Variants in PCDHA4 observed in about 807,000 individuals in gnomAD.
PCDHA4 encodes the protein protocadherin alpha-4.
Under a neutral mutation model 61.4 loss-of-function variants are expected in PCDHA4, and 49 were observed. That is an observed-to-expected ratio of 0.80 (90% CI 0.63 to 1.01). The LOEUF is 1.01. PCDHA4 is among the 50% of genes least tolerant of loss of function. The pLI, the probability that PCDHA4 is intolerant of heterozygous loss-of-function variation, is 0.00. For synonymous variants in PCDHA4, 590 were observed against 550.3 expected, an observed-to-expected ratio of 1.07 and a Z score of -1.01; for missense variants, 1,254 against 1,235.8, an observed-to-expected ratio of 1.01 and a Z score of -0.22.
At chr5:140,817,691 T>C (rs114557138) in intron 1 of PCDHA4, 1 of 152,354 alleles carries the variant, frequency 6.6e-6, no homozygotes, top group Non-Finnish European at 1.5e-5. Flanking sequence ...AGACACACAG[T>C]ACATTATTAT....
intron 1 of PCDHA4, among the ~76,000 whole-genome samples, chr5:140,903,411 A>G (rs265314): frequency 0.015 from 2,274 of 152,338 alleles, 53 homozygotes; most frequent in African/African-American, 0.052. Flanking sequence ...TGCAGTCAGG[A>G]AAAATTCAGC....
intron 1 of PCDHA4, chr5:140,863,602 T>G: frequency 1.4e-5 from 5 of 354,858 alleles, no homozygotes; most frequent in South Asian, 1.1e-4. Flanking sequence ...TTCATTCCTA[T>G]TAATGTCCCT....
chr5:140,809,940 G>A (rs1257733835), intron 1 of PCDHA4: 2 of 165,572 alleles, frequency 1.2e-5, no homozygotes, highest in Admixed American at 6.0e-5. Flanking sequence ...TTGTATGAAA[G>A]TGAAAAGCTC....
chr5:140,982,689 T>A, intron 3 of PCDHA4, 126 bp downstream of exon 3: 1 of 1,413,688 alleles, frequency 7.1e-7, no homozygotes, highest in Non-Finnish European at 9.3e-7. Context: ...CTTTTTTCCA[T>A]ACATACATGA....
intron 1 of PCDHA4, among the ~76,000 whole-genome samples, chr5:140,920,983 T>C (rs1472212249): frequency 6.6e-6 from 1 of 152,106 alleles, no homozygotes; most frequent in Non-Finnish European, 1.5e-5. Context: ...AATATTGTAT[T>C]TGCTTATTTT....
At chr5:140,883,686 A>T in intron 1 of PCDHA4, 1 of 1,613,782 alleles carries the variant, frequency 6.2e-7, no homozygotes, top group South Asian at 1.1e-5. Context: ...CCGGGCTGCC[A>T]CATCTTCACG....
chr5:140,998,446 T>C (rs1266567801), intron 3 of PCDHA4, among the ~76,000 whole-genome samples: 1 of 152,248 alleles, frequency 6.6e-6, no homozygotes, highest in African/African-American at 2.4e-5. Flanking sequence ...TTATTGTATT[T>C]ATTCATTTAC....
intron 1 of PCDHA4, among the ~76,000 whole-genome samples, chr5:140,965,996 A>G (rs2095956267): frequency 6.6e-6 from 1 of 152,102 alleles, no homozygotes; most frequent in South Asian, 2.1e-4. Context: ...TGCAGTACTT[A>G]AGAGTGTCCA....
chr5:140,849,319 G>A, intron 1 of PCDHA4: 1 of 1,331,850 alleles, frequency 7.5e-7, no homozygotes, highest in Non-Finnish European at 1.0e-6. Flanking sequence ...GGCTTGAATG[G>A]GGATATTATT....
Position 140,855,115 on chromosome 5 carries a change from T to G in PCDHA4, c.2385+45543T>G, listed in dbSNP as rs1220920177. On this transcript the variant is annotated intron_variant, in intron 1 of 3. Coordinates refer to ENST00000530339, the MANE Select transcript of PCDHA4 (RefSeq NM_018907.4). ...TGTGCAGTAGCAATAATTAAGGCAT[T>G]CTATAGGTAATAATTTTGCCTGATG... 1.3e-5 allele frequency among the ~76,000 whole-genome samples: 2 copies of G among 149,816 alleles called. 1 individual carries two copies. The highest frequency in any genetic ancestry group is 3.0e-5 in the Non-Finnish European group (2 of 67,072).
Position 140,807,786 on chromosome 5 carries a change from T to C in PCDHA4, c.599T>C (p.Leu200Ser), listed in dbSNP as rs1554124270. Reference protein sequence around the residue: ...KGLGLILRKSLDREEAPEIFL... With the variant: ...KGLGLILRKSSDREEAPEIFL... ...CTTGGGCTTATATTACGGAAATCTT[T>C]AGACAGAGAAGAAGCTCCGGAGATT... Residue 200 changes from leucine to serine, a missense_variant, in exon 1 of 4, where the codon TTA becomes TCA. By Grantham distance (145) the Leu-to-Ser change is moderately radical. Coordinates refer to ENST00000530339, the MANE Select transcript of PCDHA4 (RefSeq NM_018907.4). 18 of 1,614,120 alleles carry C rather than the reference T, an allele frequency of 1.1e-5. No homozygotes were observed. Among genetic ancestry groups the C allele is most frequent in the Non-Finnish European group, 1.5e-5 (18 of 1,180,024 alleles).
At chr5:140,929,821 C>G (rs2086398950) in intron 1 of PCDHA4, 1 of 157,208 alleles carries the variant, frequency 6.4e-6, no homozygotes, top group Non-Finnish European at 1.4e-5. Context: ...AGAAAGGGAA[C>G]ATAAGAGAAC....
intron 1 of PCDHA4, among the ~76,000 whole-genome samples, chr5:140,874,815 A>T (rs2055116009): frequency 6.6e-6 from 1 of 152,262 alleles, no homozygotes; most frequent in Non-Finnish European, 1.5e-5. Context: ...AAGACAATTT[A>T]TATAAATGAA....
At chr5:140,909,438 T>C (rs2074496860) in intron 1 of PCDHA4, among the ~76,000 whole-genome samples, 1 of 152,222 alleles carries the variant, frequency 6.6e-6, no homozygotes, top group Non-Finnish European at 1.5e-5. Context: ...GATAATCCAC[T>C]GTCATTCTCC....
chr5:140,991,733 A>T (rs1360500460), intron 3 of PCDHA4, among the ~76,000 whole-genome samples: 1 of 152,136 alleles, frequency 6.6e-6, no homozygotes, highest in African/African-American at 2.4e-5. Flanking sequence ...TGTTCAAGGT[A>T]ATGTAGGCTC....
Position 140,920,248 on chromosome 5 carries a change from C to T in PCDHA4, c.2386-58701C>T, listed in dbSNP as rs77829363. 2.9e-3 allele frequency among the ~76,000 whole-genome samples: 443 copies of T among 152,218 alleles called. 1 individual carries two copies. The highest frequency in any genetic ancestry group is 0.01 in the African/African-American group (423 of 41,510). Reference sequence around the variant, plus strand: ...TAGTATTATATACCCAACAATACATCGCTATAATAATTATTACTTTATGTA... The same window carrying T: ...TAGTATTATATACCCAACAATACATTGCTATAATAATTATTACTTTATGTA... On this transcript the variant is annotated intron_variant, in intron 1 of 3. Coordinates refer to ENST00000530339, the MANE Select transcript of PCDHA4 (RefSeq NM_018907.4).
At chr5:140,843,543 G>A (rs2150362370) in intron 1 of PCDHA4, 1 of 1,595,904 alleles carries the variant, frequency 6.3e-7, no homozygotes, top group Non-Finnish European at 8.6e-7. Context: ...ACTCTGGTGT[G>A]CTCCAGTGCG....
chr5:140,821,976 C>T, intron 1 of PCDHA4: 1 of 1,614,196 alleles, frequency 6.2e-7, no homozygotes, highest in Non-Finnish European at 8.5e-7. Context: ...GGGTGGCGTC[C>T]AAGGGCCGCG....
chr5:140,979,391 T>C (rs1298274291), intron 2 of PCDHA4, among the ~76,000 whole-genome samples: 1 of 152,202 alleles, frequency 6.6e-6, no homozygotes, highest in Non-Finnish European at 1.5e-5. Context: ...AATGTATACA[T>C]ACATGTTGTC....
Sources: gnomAD v4.1 joint callset for allele counts (sites outside exome capture counted in the v4.1 genomes callset) on GRCh38, gnomAD v4.1.1 for gene constraint, MANE v1.5 for transcripts, NCBI Gene and HGNC (gene_info 2026-07-23, HGNC 2026-07-21) for gene names.